Variants in CPXM2 observed in about 807,000 individuals in gnomAD.
The protein encoded by CPXM2 is carboxypeptidase X, M14 family member 2.
A neutral mutation model predicts 86.1 loss-of-function variants in CPXM2; 66 were observed. That is an observed-to-expected ratio of 0.77 (90% confidence interval 0.63 to 0.94). The LOEUF is 0.94. Among genes scored for constraint, CPXM2 ranks in the 40% least tolerant of loss-of-function variants. The pLI is 0.00. For synonymous variants in CPXM2, 388 were observed against 400.2 expected (o/e 0.97, Z 0.36); for missense variants, 948 against 1,026.3 (o/e 0.92, Z 1.04).
intron 3 of CPXM2, among the ~76,000 whole-genome samples, chr10:123,857,524 G>A (rs1848752236): frequency 1.3e-5 from 2 of 151,874 alleles, no homozygotes; most frequent in South Asian, 4.2e-4. Context: ...AAACAAGCAG[G>A]GAGGCAGGTG....
At chr10:123,877,004 C>A (rs2134224256) in intron 2 of CPXM2, among the ~76,000 whole-genome samples, 1 of 152,326 alleles carries the variant, frequency 6.6e-6, no homozygotes, top group South Asian at 2.1e-4. Flanking sequence ...TCCTCTCAAT[C>A]ACCAACTTTG....
chr10:123,780,246 T>C lies in CPXM2; in HGVS notation c.899A>G (p.Asn300Ser), dbSNP rs1846903806. The change falls in exon 7 of 14, where the codon AAT (asparagine) becomes AGT (serine). Residue 300 changes from asparagine to serine, a missense_variant. Transcript: ENST00000241305. The part of the protein sequence containing the change: ...ILGCPLPDPN[N>S]YYHRRNEMTT... ...CATCTCGTTCCGGCGGTGATAATAA[T>C]TATTAGGATCTAGGGACAGAAACAT... The C allele has an allele frequency of 6.3e-7, 1 of 1,599,318 alleles. No homozygotes were observed. The highest frequency in any genetic ancestry group is 8.6e-7 in the Non-Finnish European group (1 of 1,166,694).
At position 123,851,119 on chromosome 10, in the gene CPXM2, C is replaced by T. The variant is rs933169632; in HGVS notation, c.514-8631G>A. Among the ~76,000 whole-genome samples, 4 of 152,268 alleles carry T rather than the reference C, an allele frequency of 2.6e-5. No individual in the cohort carries two copies. The East Asian group carries it at 7.7e-4, about 29-fold the overall frequency. On this transcript the variant is annotated intron_variant, in intron 3 of 13. Coordinates refer to ENST00000241305, the MANE Select transcript of CPXM2 (RefSeq NM_198148.3). ...TGGTGGAAAGCTCTTTTTCTCATGG[C>T]CATTGGCCATGACATTGCTCCATAA...
intron 1 of CPXM2, among the ~76,000 whole-genome samples, chr10:123,881,647 G>T (rs975335280): frequency 2.6e-5 from 4 of 152,212 alleles, no homozygotes; most frequent in African/African-American, 9.7e-5. Context: ...AGTGGGAGAT[G>T]TAGCCTTCCA....
intron 3 of CPXM2, among the ~76,000 whole-genome samples, chr10:123,845,603 T>G (rs1848479325): frequency 6.6e-6 from 1 of 151,424 alleles, no homozygotes; most frequent in Non-Finnish European, 1.5e-5. Flanking sequence ...TACACAAAAA[T>G]AGACAACAGG....
intron 2 of CPXM2, among the ~76,000 whole-genome samples, chr10:123,910,303 G>A (rs781514021): frequency 2.7e-4 from 41 of 152,134 alleles, no homozygotes; most frequent in Admixed American, 9.2e-4. Flanking sequence ...CTGGGAATCA[G>A]TTCTGTGCAT....
At chr10:123,823,680 GA>G (rs1299187009) in intron 4 of CPXM2, among the ~76,000 whole-genome samples, 3 of 151,988 alleles carry the variant, frequency 2.0e-5, no homozygotes, top group African/African-American at 4.8e-5. Context: ...ATGAGAAAGA[GA>G]AAAAAAGTGT....
intron 1 of CPXM2, among the ~76,000 whole-genome samples, chr10:123,890,899 T>G (rs1945255836): frequency 6.6e-6 from 1 of 152,142 alleles, no homozygotes. Context: ...GGGACACGAC[T>G]GGGTAAAGGC....
chr10:123,793,503 C>G (rs1847256317), intron 6 of CPXM2, among the ~76,000 whole-genome samples: 1 of 150,772 alleles, frequency 6.6e-6, no homozygotes, highest in South Asian at 2.1e-4. Context: ...GGAATTTGCA[C>G]CCAGGTCTGA....
At chr10:123,911,915 A>G (rs749602586) in intron 2 of CPXM2, among the ~76,000 whole-genome samples, 13 of 152,110 alleles carry the variant, frequency 8.5e-5, no homozygotes, top group Non-Finnish European at 1.5e-4. Context: ...ACTGAGGGGC[A>G]TAAGGCAGAA....
intron 2 of CPXM2, chr10:123,914,212 ACTT>A (rs1945515561): frequency 1.0e-5 from 4 of 398,320 alleles, no homozygotes; most frequent in Non-Finnish European, 1.0e-5. Context: ...CCATGAGTCT[ACTT>A]CTTAATCTCT....
chr10:123,883,847 A>G (rs1020430969), intron 1 of CPXM2, among the ~76,000 whole-genome samples: 6 of 152,182 alleles, frequency 3.9e-5, no homozygotes, highest in Non-Finnish European at 8.8e-5. Flanking sequence ...GAAAGGCAGC[A>G]TATGGTCCAT....
At chr10:123,859,114 G>A (rs891386672) in intron 3 of CPXM2, among the ~76,000 whole-genome samples, 4 of 152,156 alleles carry the variant, frequency 2.6e-5, no homozygotes, top group African/African-American at 7.2e-5. Flanking sequence ...GTCCTAGGCC[G>A]GCACAGCGCT....
chr10:123,868,139 T>C (rs2134207853), intron 2 of CPXM2, among the ~76,000 whole-genome samples: 1 of 152,308 alleles, frequency 6.6e-6, no homozygotes, highest in East Asian at 1.9e-4. Flanking sequence ...AGCCCCACCC[T>C]GGGCTGGCAA....
At chr10:123,794,743 G>GTA (rs1847288697) in intron 6 of CPXM2, among the ~76,000 whole-genome samples, 1 of 149,986 alleles carries the variant, frequency 6.7e-6, no homozygotes. Flanking sequence ...CCGTGTGTGT[G>GTA]TGTGTGTGTG....
Position 123,889,152 on chromosome 10 carries a change from C to A in CPXM2, c.304+2204G>T, listed in dbSNP as rs73368704. On this transcript the variant is annotated intron_variant, in intron 1 of 13. Transcript: ENST00000241305. ...TAAAGAGAGTCACTTCCCCATGTAACCCCTGAGTCTGCAGACACATTAGTC... is the reference window on the plus strand; with the variant it reads ...TAAAGAGAGTCACTTCCCCATGTAAACCCTGAGTCTGCAGACACATTAGTC... Among the ~76,000 whole-genome samples the A allele has an allele frequency of 4.4e-3, 672 of 152,316 alleles. 5 individuals are homozygous for A. Among genetic ancestry groups the A allele is most frequent in the African/African-American group, 0.015 (642 of 41,566 alleles).
At chr10:123,800,864 T>C (rs1489513573) in intron 4 of CPXM2, among the ~76,000 whole-genome samples, 1 of 152,202 alleles carries the variant, frequency 6.6e-6, no homozygotes, top group African/African-American at 2.4e-5. Flanking sequence ...TCTTCTGAAC[T>C]GCAAAGCTAC....
chr10:123,864,562 C>G (rs571000151), intron 2 of CPXM2, among the ~76,000 whole-genome samples: 6 of 152,190 alleles, frequency 3.9e-5, no homozygotes, highest in Admixed American at 3.3e-4. Flanking sequence ...CTTCCAACCA[C>G]CAGCTTCTTC....
Position 123,850,865 on chromosome 10 carries a change from T to C in CPXM2, c.514-8377A>G, listed in dbSNP as rs544307955. ...AGAGCATTTGGTACTATCCACACTT[T>C]CATGCATTCATCGGGGTCTTCGAAT... On this transcript the variant is annotated intron_variant, in intron 3 of 13. Transcript: ENST00000241305. Among the ~76,000 whole-genome samples the C allele has an allele frequency of 1.4e-4, 21 of 152,346 alleles. No homozygotes were observed. The East Asian group carries it at 3.9e-3, about 28-fold the overall frequency.
Sources: gnomAD v4.1 joint callset for allele counts (sites outside exome capture counted in the v4.1 genomes callset) on GRCh38, gnomAD v4.1.1 for gene constraint, MANE v1.5 for transcripts, NCBI Gene and HGNC (gene_info 2026-07-23, HGNC 2026-07-21) for gene names.